Variants in UBE3D observed in about 807,000 individuals in gnomAD.
The protein encoded by UBE3D is E3 ubiquitin-protein ligase E3D.
Under a neutral mutation model 49.6 loss-of-function variants are expected in UBE3D, and 48 were observed. That is an observed-to-expected ratio of 0.97 (90% CI 0.77 to 1.23). UBE3D has a LOEUF of 1.23. Ranked by LOEUF, UBE3D falls within the 50% of genes most tolerant of loss-of-function variation. The pLI is 0.00. For synonymous variants in UBE3D, 189 were observed against 174.2 expected (o/e 1.08, Z -0.67); for missense variants, 452 against 468.4 (o/e 0.96, Z 0.32).
chr6:82,903,783 T>C (rs1021728668), intron 9 of UBE3D, among the ~76,000 whole-genome samples: 1 of 152,200 alleles, frequency 6.6e-6, no homozygotes, highest in African/African-American at 2.4e-5. Flanking sequence ...AAACAGTAAT[T>C]AGCCTGTTTG....
At chr6:83,058,125 G>A (rs896233714) in intron 1 of UBE3D, 103 bp from the exon 2 acceptor site, 27 of 1,185,094 alleles carry the variant, frequency 2.3e-5, no homozygotes, top group African/African-American at 7.7e-5. Flanking sequence ...CTCTTCAATA[G>A]GAGCTCTAAA....
intron 9 of UBE3D, among the ~76,000 whole-genome samples, chr6:82,921,522 C>G (rs985801837): frequency 3.3e-5 from 5 of 152,092 alleles, no homozygotes; most frequent in African/African-American, 1.2e-4. Flanking sequence ...CCATACCACT[C>G]GCCCATAGTA....
chr6:82,997,799 C>T (rs1476117813), intron 8 of UBE3D, among the ~76,000 whole-genome samples: 4 of 151,996 alleles, frequency 2.6e-5, no homozygotes, highest in Non-Finnish European at 4.4e-5. Flanking sequence ...TATGTATATG[C>T]GTAGGTAAAG....
intron 9 of UBE3D, among the ~76,000 whole-genome samples, chr6:82,948,236 G>C (rs1171711235): frequency 6.6e-6 from 1 of 151,892 alleles, no homozygotes; most frequent in African/African-American, 2.4e-5. Flanking sequence ...GATCATTAAT[G>C]GCTACTATGA....
chr6:83,016,274 T>C (rs536338818), intron 8 of UBE3D, among the ~76,000 whole-genome samples: 1 of 152,172 alleles, frequency 6.6e-6, no homozygotes, highest in Admixed American at 6.6e-5. Flanking sequence ...CCAACCAACT[T>C]CATTATGTTC....
intron 8 of UBE3D, among the ~76,000 whole-genome samples, chr6:82,991,690 A>G (rs1219553073): frequency 6.6e-6 from 1 of 152,184 alleles, no homozygotes; most frequent in East Asian, 1.9e-4. Flanking sequence ...GAAATTTATC[A>G]TTTTGAAAAT....
At chr6:82,972,756 A>ATG (rs1777444343) in intron 8 of UBE3D, among the ~76,000 whole-genome samples, 1 of 152,214 alleles carries the variant, frequency 6.6e-6, no homozygotes, top group Admixed American at 6.5e-5. Context: ...TATAAATAAA[A>ATG]TGATGCACTT....
downstream of UBE3D, among the ~76,000 whole-genome samples, chr6:82,888,206 T>G (rs1417976303): frequency 6.6e-6 from 1 of 151,752 alleles, no homozygotes; most frequent in Non-Finnish European, 1.5e-5. Flanking sequence ...CTGTTTTCCT[T>G]GAGTTTAGGA....
intron 9 of UBE3D, among the ~76,000 whole-genome samples, chr6:82,926,620 G>T (rs1297493017): frequency 6.6e-6 from 1 of 152,048 alleles, no homozygotes; most frequent in East Asian, 1.9e-4. Context: ...CTGGATTATG[G>T]CCATTCTAAT....
intron 9 of UBE3D, among the ~76,000 whole-genome samples, chr6:82,945,372 G>C (rs1265849907): frequency 6.6e-6 from 1 of 152,220 alleles, no homozygotes; most frequent in Non-Finnish European, 1.5e-5. Context: ...AGGTAATCCA[G>C]AGAAGTATTC....
intron 3 of UBE3D, 136 bp downstream of exon 3, chr6:83,054,012 G>T: frequency 1.5e-6 from 1 of 681,340 alleles, no homozygotes; most frequent in Non-Finnish European, 2.5e-6. Flanking sequence ...GGCTAATTTT[G>T]TTCAAAGTGA....
intron 9 of UBE3D, among the ~76,000 whole-genome samples, chr6:82,899,802 T>C (rs1582278513): frequency 6.6e-6 from 1 of 152,212 alleles, no homozygotes; most frequent in East Asian, 1.9e-4. Context: ...AACACTGTAG[T>C]GAACAAGCAG....
At chr6:83,062,150 G>A (rs1784215816) in intron 1 of UBE3D, among the ~76,000 whole-genome samples, 1 of 152,134 alleles carries the variant, frequency 6.6e-6, no homozygotes, top group South Asian at 2.1e-4. Context: ...AAAGGCAGGT[G>A]TTTTTGTCTT....
intron 8 of UBE3D, among the ~76,000 whole-genome samples, chr6:82,990,764 C>G (rs1778830205): frequency 6.6e-6 from 1 of 152,098 alleles, no homozygotes; most frequent in African/African-American, 2.4e-5. Flanking sequence ...GTAATGTGAC[C>G]GTACTCTCCC....
intron 8 of UBE3D, among the ~76,000 whole-genome samples, chr6:83,006,613 A>T (rs1779998893): frequency 6.6e-6 from 1 of 152,156 alleles, no homozygotes; most frequent in South Asian, 2.1e-4. Flanking sequence ...TACCCTCTAA[A>T]ATTAGACTTT....
intron 8 of UBE3D, among the ~76,000 whole-genome samples, chr6:83,012,394 G>A (rs1176631616): frequency 6.6e-6 from 1 of 152,196 alleles, no homozygotes; most frequent in Non-Finnish European, 1.5e-5. Context: ...CTGGCAAATT[G>A]CGCGTTCAGC....
At chr6:82,971,632 C>T (rs1340549593) in intron 8 of UBE3D, among the ~76,000 whole-genome samples, 1 of 151,966 alleles carries the variant, frequency 6.6e-6, no homozygotes, top group African/African-American at 2.4e-5. Context: ...CTATGTTGCC[C>T]AGGCTGATCT....
chr6:82,932,480 T>C (rs1310564426), intron 9 of UBE3D: 1 of 152,168 alleles, frequency 6.6e-6, no homozygotes, highest in African/African-American at 2.4e-5. Flanking sequence ...CTTGGTCATT[T>C]TCCCAGCATT....
intron 9 of UBE3D, among the ~76,000 whole-genome samples, chr6:82,918,634 C>G (rs1008749699): frequency 6.6e-6 from 1 of 151,916 alleles, no homozygotes; most frequent in Non-Finnish European, 1.5e-5. Context: ...GATTTGAAAC[C>G]GGCCCAAATG....
Sources: allele counts gnomAD v4.1 joint callset (sites outside exome capture counted in the v4.1 genomes callset), GRCh38; gene constraint gnomAD v4.1.1; transcripts MANE v1.5; gene names NCBI Gene and HGNC (gene_info 2026-07-23, HGNC 2026-07-21).